Variants in CAMK1G observed in about 807,000 individuals in gnomAD.
CAMK1G encodes the protein calcium/calmodulin-dependent protein kinase type 1G.
In CAMK1G, 27 loss-of-function variants were observed where a neutral mutation model predicts 54.8. That is an observed-to-expected ratio of 0.49 (90% CI 0.36 to 0.68). CAMK1G has a LOEUF of 0.68. CAMK1G is among the 30% of genes least tolerant of loss of function. The pLI is 0.00. For synonymous variants in CAMK1G, 238 were observed against 224.9 expected (o/e 1.06, Z -0.52); for missense variants, 512 against 591.0 (o/e 0.87, Z 1.39).
Position 209,611,620 on chromosome 1 carries a change from G to C in CAMK1G, c.915+68G>C. The C allele has an allele frequency of 3.3e-6, 5 of 1,514,126 alleles. No homozygotes were observed. The South Asian group carries it at 5.7e-5, about 17-fold the overall frequency. The allele number at this position is 1,514,126 out of a possible 1,614,324, so 93.8% of individuals were successfully genotyped here. ...CCTGGAGGCTGGGCTGGCAGGGGCTGACATAAGGGCTTTCCTTGGGATGTC... is the reference window on the plus strand; with the variant it reads ...CCTGGAGGCTGGGCTGGCAGGGGCTCACATAAGGGCTTTCCTTGGGATGTC... On this transcript the variant is annotated intron_variant, in intron 10 of 12. Coordinates refer to ENST00000361322, the MANE Select transcript of CAMK1G (RefSeq NM_020439.3).
intron 1 of CAMK1G, among the ~76,000 whole-genome samples, 163 bp from the exon 2 acceptor site, chr1:209,594,792 T>C (rs1665339342): frequency 6.6e-6 from 1 of 152,242 alleles, no homozygotes; most frequent in Non-Finnish European, 1.5e-5. Flanking sequence ...TGAAAGCAAG[T>C]GTGGAGATAG....
chr1:209,610,362 TA>T (rs1337466531), intron 9 of CAMK1G, among the ~76,000 whole-genome samples: 1 of 152,164 alleles, frequency 6.6e-6, no homozygotes, highest in African/African-American at 2.4e-5. Flanking sequence ...AAGAAAATCT[TA>T]AAATATTTTT....
chr1:209,613,103 G>C lies in CAMK1G; in HGVS notation c.*101G>C, dbSNP rs899046046. 6 of 476,478 alleles carry C rather than the reference G, an allele frequency of 1.3e-5. No homozygotes were observed. The highest frequency in any genetic ancestry group is 2.3e-5 in the Non-Finnish European group (6 of 258,502). 29.5% of individuals were successfully genotyped at this position (476,478 alleles called of 1,614,324 possible). A position where few individuals can be genotyped will look rare whatever the true frequency, so the allele number is the denominator to read the frequency against. ...TCTATCCGGCAGAGGGAGGAAGGCA[G>C]AGCAAGTGGAGCAGGGCTTAGCAGG... On this transcript the variant is annotated 3_prime_UTR_variant, in exon 13 of 13. Coordinates refer to ENST00000361322, the MANE Select transcript of CAMK1G (RefSeq NM_020439.3).
At chr1:209,610,054 G>C (rs1665744277) in intron 9 of CAMK1G, 125 bp downstream of exon 9, 1 of 785,460 alleles carries the variant, frequency 1.3e-6, no homozygotes, top group Admixed American at 2.0e-5. Context: ...TGACAAGCAA[G>C]GACCATGCCA....
At chr1:209,597,701 A>C (rs1442357259) in intron 2 of CAMK1G, among the ~76,000 whole-genome samples, 2 of 152,250 alleles carry the variant, frequency 1.3e-5, no homozygotes, top group African/African-American at 4.8e-5. Context: ...CAGGAAACTC[A>C]GACACAGGAA....
intron 6 of CAMK1G, among the ~76,000 whole-genome samples, chr1:209,607,463 A>T (rs1315679620): frequency 6.6e-6 from 1 of 152,172 alleles, no homozygotes; most frequent in Non-Finnish European, 1.5e-5. Context: ...GAGGAGAGAC[A>T]GTCCTACACT....
At chr1:209,589,686 T>C (rs545929639) in intron 1 of CAMK1G, among the ~76,000 whole-genome samples, 1 of 152,270 alleles carries the variant, frequency 6.6e-6, no homozygotes, top group East Asian at 1.9e-4. Flanking sequence ...TAATACATGG[T>C]CCCAGTCCTT....
intron 3 of CAMK1G, among the ~76,000 whole-genome samples, chr1:209,602,011 A>T (rs528928837): frequency 5.9e-5 from 9 of 152,264 alleles, no homozygotes; most frequent in African/African-American, 2.2e-4. Flanking sequence ...AACTTCCTAG[A>T]GAATTTCCTC....
chr1:209,605,659 C>A lies in CAMK1G; in HGVS notation c.420C>A (p.Val140=), dbSNP rs1302424972. 6.2e-7 allele frequency: 1 copy of A among 1,613,672 alleles called. No homozygotes were observed. Among genetic ancestry groups the A allele is most frequent in the Non-Finnish European group, 8.5e-7 (1 of 1,179,904 alleles). ...AVKYLHENGI[V]HRDLKPENLL... ...AATACCTACATGAGAATGGCATCGT[C>A]CACAGAGACTTAAAGGTGTCAAGGC... Residue 140 remains valine, a synonymous_variant, in exon 5 of 13, where the codon GTC becomes GTA. Transcript: ENST00000361322.
chr1:209,586,115 T>C (rs758493302), intron 1 of CAMK1G, among the ~76,000 whole-genome samples: 51 of 152,220 alleles, frequency 3.4e-4, no homozygotes, highest in Non-Finnish European at 6.3e-4. Flanking sequence ...ACTCTATCCC[T>C]GGTAGGGGAA....
At position 209,609,847 on chromosome 1, in the gene CAMK1G, T is replaced by C. The variant is rs762170245; in HGVS notation, c.749-4T>C. 18 of 1,614,158 alleles carry C rather than the reference T, an allele frequency of 1.1e-5. No homozygotes were observed. The highest frequency in any genetic ancestry group is 1.5e-5 in the Non-Finnish European group (18 of 1,179,986). ...GTCGTCGTGTCTTTGATTACTCCCC[T>C]TAGCCAAGGACTTTATTTGCCACTT... On this transcript the variant is annotated splice_polypyrimidine_tract_variant and splice_region_variant and intron_variant, in intron 8 of 12. Transcript: ENST00000361322.
chr1:209,591,582 C>T (rs1280950445), intron 1 of CAMK1G, among the ~76,000 whole-genome samples: 2 of 152,188 alleles, frequency 1.3e-5, no homozygotes, highest in African/African-American at 4.8e-5. Context: ...TTTAGCTGAC[C>T]TTATGCCTTT....
chr1:209,611,670 A>G, intron 10 of CAMK1G, 118 bp downstream of exon 10: 2 of 1,459,322 alleles, frequency 1.4e-6, no homozygotes, highest in Non-Finnish European at 1.9e-6. Flanking sequence ...AGCTCCGTGT[A>G]CCCTCTCTGA....
chr1:209,597,256 G>A (rs887494279), intron 2 of CAMK1G, among the ~76,000 whole-genome samples: 7 of 152,212 alleles, frequency 4.6e-5, no homozygotes, highest in African/African-American at 1.4e-4. Flanking sequence ...GCTTCAAGGT[G>A]AATGGCACCT....
intron 3 of CAMK1G, among the ~76,000 whole-genome samples, chr1:209,600,678 C>T (rs1446251179): frequency 6.6e-6 from 1 of 152,198 alleles, no homozygotes; most frequent in African/African-American, 2.4e-5. Flanking sequence ...TACAGAGGTG[C>T]CTATAAGAAA....
rs1665645119 is a variant in CAMK1G, at chr1:209,606,170, T to A, written c.436-150T>A. ...TGGGGTGCAGGTGTGAGGGTGCAGG[T>A]AGGAGGAAGAAGGGAAGAATGGGGG... is the stretch of plus-strand genomic sequence containing the variant. On this transcript the variant is annotated intron_variant, in intron 5 of 12. Transcript: ENST00000361322. The A allele has an allele frequency of 2.8e-5, 27 of 970,748 alleles. No homozygotes were observed. The South Asian group carries it at 4.2e-4, about 15-fold the overall frequency. 60.1% of individuals were successfully genotyped at this position (970,748 alleles called of 1,614,324 possible).
intron 1 of CAMK1G, among the ~76,000 whole-genome samples, chr1:209,587,392 C>T (rs571170807): frequency 3.8e-4 from 58 of 152,112 alleles, no homozygotes; most frequent in Non-Finnish European, 2.8e-4. Flanking sequence ...AGATCCCCGG[C>T]ACACTAATAT....
chr1:209,601,838 T>C (rs1164691184), intron 3 of CAMK1G, among the ~76,000 whole-genome samples: 1 of 152,232 alleles, frequency 6.6e-6, no homozygotes, highest in Non-Finnish European at 1.5e-5. Context: ...TTTATCCTGA[T>C]ACAATTCTAT....
At chr1:209,592,008 A>G (rs1378955309) in intron 1 of CAMK1G, among the ~76,000 whole-genome samples, 1 of 152,126 alleles carries the variant, frequency 6.6e-6, no homozygotes, top group Non-Finnish European at 1.5e-5. Context: ...AGGTGGAGTC[A>G]GGCAGAAGCC....
Sources: allele counts gnomAD v4.1 joint callset (sites outside exome capture counted in the v4.1 genomes callset), GRCh38; gene constraint gnomAD v4.1.1; transcripts MANE v1.5; gene names NCBI Gene and HGNC (gene_info 2026-07-23, HGNC 2026-07-21).